The following KIRREL3 variants were observed in gnomAD, a reference collection of about 807,000 sequenced individuals.
KIRREL3 encodes kin of IRRE-like protein 3.
In KIRREL3, 36 loss-of-function variants were observed where a neutral mutation model predicts 89.7. The ratio of observed to expected loss-of-function variants is 0.40; its 90% CI spans 0.31 to 0.53. The LOEUF (loss-of-function observed/expected upper bound fraction) is 0.53, where lower values mean the gene tolerates loss of function less well. Ranked by LOEUF, KIRREL3 falls within the 20% of genes least tolerant of loss-of-function variation. The pLI is 0.49. For synonymous variants in KIRREL3, 445 were observed against 441.4 expected (o/e 1.01, Z -0.10); for missense variants, 864 against 1,056.6 (o/e 0.82, Z 2.53).
Position 126,653,633 on chromosome 11 carries a change from G to A in KIRREL3, c.56-90721C>T, listed in dbSNP as rs971189495. On this transcript the variant is annotated intron_variant, in intron 1 of 16. Coordinates refer to ENST00000525144, the MANE Select transcript of KIRREL3 (RefSeq NM_032531.4). This position sits in a 1 kb window ranked among gnomAD's most constrained non-coding sequence, Gnocchi z 5.4. ...AAGGAGCTCTTTTCAAGGTCACACGGACACTCTGACCCGACTCTCTCCTGG... is the reference window on the plus strand; with the variant it reads ...AAGGAGCTCTTTTCAAGGTCACACGAACACTCTGACCCGACTCTCTCCTGG... Among the ~76,000 whole-genome samples, 1 of 152,168 alleles carries A rather than the reference G, an allele frequency of 6.6e-6. No individual in the cohort carries two copies. Among genetic ancestry groups the A allele is most frequent in the African/African-American group, 2.4e-5 (1 of 41,464 alleles).
rs893727299 is a variant in KIRREL3, at chr11:126,684,027, C to T, written c.56-121115G>A. 6.6e-6 allele frequency among the ~76,000 whole-genome samples: 1 copy of T among 152,184 alleles called. No homozygotes were observed. The highest frequency in any genetic ancestry group is 1.5e-5 in the Non-Finnish European group (1 of 68,038). Reference sequence around the variant, plus strand: ...TTTTTGGGCAGCTCCGCCTTCATACCGAAGGCAGCTTAGCATGGCACTGTC... The same window carrying T: ...TTTTTGGGCAGCTCCGCCTTCATACTGAAGGCAGCTTAGCATGGCACTGTC... On this transcript the variant is annotated intron_variant, in intron 1 of 16. Coordinates refer to ENST00000525144, the MANE Select transcript of KIRREL3 (RefSeq NM_032531.4). The surrounding 1 kb of genome is among the most constrained non-coding windows in gnomAD (Gnocchi z 4.2).
Position 126,747,805 on chromosome 11 carries a change from C to G in KIRREL3, c.56-184893G>C. Among the ~76,000 whole-genome samples, 1 of 152,108 alleles carries G rather than the reference C, an allele frequency of 6.6e-6. No homozygotes were observed. The highest frequency in any genetic ancestry group is 1.9e-4 in the East Asian group (1 of 5,174). On this transcript the variant is annotated intron_variant, in intron 1 of 16. Transcript: ENST00000525144. The surrounding 1 kb of genome is among the most constrained non-coding windows in gnomAD (Gnocchi z 4.7). ...TCATGTGAGAACCCCTGTTCCCCTCCCTCTGCTTGGCAGAGCTGTCCTTTG... is the reference window on the plus strand; with the variant it reads ...TCATGTGAGAACCCCTGTTCCCCTCGCTCTGCTTGGCAGAGCTGTCCTTTG...
intron 1 of KIRREL3, among the ~76,000 whole-genome samples, chr11:126,824,283 A>G (rs961628814): frequency 8.5e-5 from 13 of 152,236 alleles, no homozygotes; most frequent in African/African-American, 3.1e-4. Context: ...AAGGACCCTC[A>G]GCCTTGAATC....
chr11:126,888,806 C>T lies in KIRREL3; in HGVS notation c.55+111649G>A, dbSNP rs574717037. 2.1e-4 allele frequency among the ~76,000 whole-genome samples: 32 copies of T among 152,222 alleles called. No individual in the cohort carries two copies. In the South Asian group the frequency reaches 5.4e-3, roughly 26 times the overall value. On this transcript the variant is annotated intron_variant, in intron 1 of 16. Transcript: ENST00000525144. ...CAGTAGCACTGACCCATTTCATTGTCGACAGTGATTAAAGGAGATGAAACC... is the reference window on the plus strand; with the variant it reads ...CAGTAGCACTGACCCATTTCATTGTTGACAGTGATTAAAGGAGATGAAACC...
intron 2 of KIRREL3, among the ~76,000 whole-genome samples, chr11:126,545,165 A>C (rs1938711874): frequency 6.6e-6 from 1 of 152,188 alleles, no homozygotes; most frequent in Non-Finnish European, 1.5e-5. Context: ...GTGGGGCGGC[A>C]GGTTTAAAAC....
In KIRREL3 at chr11:126,892,834, G is replaced by C. The variant is rs1470078298; in HGVS notation, c.55+107621C>G. On this transcript the variant is annotated intron_variant, in intron 1 of 16. Coordinates refer to ENST00000525144, the MANE Select transcript of KIRREL3 (RefSeq NM_032531.4). This position sits in a 1 kb window ranked among gnomAD's most constrained non-coding sequence, Gnocchi z 5.4. ...TACAGCCCTCGAGACCTACTCAAGA[G>C]AGGACAAAAGAGAGGCTCGGGTAGA... 6.6e-6 allele frequency among the ~76,000 whole-genome samples: 1 copy of C among 152,212 alleles called. No individual in the cohort carries two copies. The highest frequency in any genetic ancestry group is 1.5e-5 in the Non-Finnish European group (1 of 68,040).
chr11:126,838,645 T>C (rs183387987), intron 1 of KIRREL3, among the ~76,000 whole-genome samples: 2 of 152,308 alleles, frequency 1.3e-5, no homozygotes, highest in Admixed American at 1.3e-4. Flanking sequence ...ACAATAAATA[T>C]GGATATTTTT....
Position 126,527,640 on chromosome 11 carries a change from C to G in KIRREL3, c.134-953G>C, listed in dbSNP as rs1227993851. 6.6e-6 allele frequency among the ~76,000 whole-genome samples: 1 copy of G among 152,316 alleles called. No individual in the cohort carries two copies. The highest frequency in any genetic ancestry group is 2.1e-4 in the South Asian group (1 of 4,828). ...ACCAAGTACGGCGCATGCCCTGACT[C>G]TAGTTATCACCGTGGCAACACTCGA... On this transcript the variant is annotated intron_variant, in intron 2 of 16. Coordinates refer to ENST00000525144, the MANE Select transcript of KIRREL3 (RefSeq NM_032531.4). This position sits in a 1 kb window ranked among gnomAD's most constrained non-coding sequence, Gnocchi z 4.2.
intron 1 of KIRREL3, among the ~76,000 whole-genome samples, chr11:126,698,887 G>A (rs547892369): frequency 7.2e-5 from 11 of 152,334 alleles, no homozygotes; most frequent in South Asian, 2.1e-4. Context: ...ACTGCCCTTC[G>A]TGCAGGAGGT....
At chr11:126,787,656 C>G (rs568092821) in intron 1 of KIRREL3, among the ~76,000 whole-genome samples, 1 of 152,294 alleles carries the variant, frequency 6.6e-6, no homozygotes, top group Non-Finnish European at 1.5e-5. Flanking sequence ...CTTGGACAGC[C>G]AGCCTCCGGA....
chr11:126,689,566 C>T lies in KIRREL3; in HGVS notation c.56-126654G>A, dbSNP rs939989560. Among the ~76,000 whole-genome samples, 1 of 152,342 alleles carries T rather than the reference C, an allele frequency of 6.6e-6. No homozygotes were observed. The highest frequency in any genetic ancestry group is 1.9e-4 in the East Asian group (1 of 5,180). ...CACCTGGCTCTACCTTACCTTGACA[C>T]TCCCAAGTGTAGACATGCCTGATTA... On this transcript the variant is annotated intron_variant, in intron 1 of 16. Coordinates refer to ENST00000525144, the MANE Select transcript of KIRREL3 (RefSeq NM_032531.4). This position sits in a 1 kb window ranked among gnomAD's most constrained non-coding sequence, Gnocchi z 5.2.
chr11:126,538,495 C>T lies in KIRREL3; in HGVS notation c.134-11808G>A, dbSNP rs768422847. Among the ~76,000 whole-genome samples, 9 of 152,128 alleles carry T rather than the reference C, an allele frequency of 5.9e-5. 1 individual carries two copies. Among genetic ancestry groups the T allele is most frequent in the African/African-American group, 1.2e-4 (5 of 41,440 alleles). ...GGGCAGCGTGACTCAGTTCATACCT[C>T]GAAACCCAAGTCTTGAATTCTGCTG... On this transcript the variant is annotated intron_variant, in intron 2 of 16. Transcript: ENST00000525144.
At chr11:126,621,312 T>C (rs1436068369) in intron 1 of KIRREL3, among the ~76,000 whole-genome samples, 1 of 152,180 alleles carries the variant, frequency 6.6e-6, no homozygotes, top group Non-Finnish European at 1.5e-5. Context: ...AATTTCAGTA[T>C]TTGGATGTCT....
In KIRREL3 at chr11:126,983,122, T is replaced by C. The variant is rs1008870995; in HGVS notation, c.55+17333A>G. Among the ~76,000 whole-genome samples the C allele has an allele frequency of 3.9e-5, 6 of 152,202 alleles. No individual in the cohort carries two copies. Among genetic ancestry groups the C allele is most frequent in the African/African-American group, 1.4e-4 (6 of 41,458 alleles). On this transcript the variant is annotated intron_variant, in intron 1 of 16. Transcript: ENST00000525144. This position sits in a 1 kb window ranked among gnomAD's most constrained non-coding sequence, Gnocchi z 4.9. Reference sequence around the variant, plus strand: ...AGCACCTATTATTTGATAATCCCCATAGATATACATGGGGAAGGTCATTTT... The same window carrying C: ...AGCACCTATTATTTGATAATCCCCACAGATATACATGGGGAAGGTCATTTT...
At chr11:126,832,984 C>T (rs1399767406) in intron 1 of KIRREL3, among the ~76,000 whole-genome samples, 2 of 152,128 alleles carry the variant, frequency 1.3e-5, no homozygotes, top group African/African-American at 4.8e-5. Flanking sequence ...GCAGAGAATT[C>T]CGCGTTTCAG....
chr11:126,930,660 A>G (rs1784345), intron 1 of KIRREL3, among the ~76,000 whole-genome samples: 137,703 of 152,256 alleles, frequency 0.9, 62,497 homozygotes, highest in African/African-American at 0.97. Context: ...TCATCCCCTG[A>G]CTACCACCTC....
intron 1 of KIRREL3, among the ~76,000 whole-genome samples, chr11:126,979,481 G>C (rs574097935): frequency 2.0e-5 from 3 of 152,302 alleles, no homozygotes; most frequent in Admixed American, 1.3e-4. Flanking sequence ...CATTCTCCCA[G>C]AGCACTGAAG....
chr11:126,713,503 T>C (rs1028544015), intron 1 of KIRREL3, among the ~76,000 whole-genome samples: 2 of 152,080 alleles, frequency 1.3e-5, no homozygotes, highest in Non-Finnish European at 2.9e-5. Flanking sequence ...CAGGAGGCCA[T>C]TGCAGAGACC....
chr11:126,822,083 C>T (rs569405032), intron 1 of KIRREL3, among the ~76,000 whole-genome samples: 8 of 152,194 alleles, frequency 5.3e-5, no homozygotes, highest in African/African-American at 1.7e-4. Context: ...GAGAGAATGA[C>T]ATATTACAAT....
Sources: gnomAD v4.1 joint callset for allele counts (sites outside exome capture counted in the v4.1 genomes callset) on GRCh38, gnomAD v4.1.1 for gene constraint, Gnocchi (gnomAD v3.1) non-coding constraint, MANE v1.5 for transcripts, NCBI Gene and HGNC (gene_info 2026-07-23, HGNC 2026-07-21) for gene names.